SLC35F3: variants seen among roughly 807,000 people sequenced by gnomAD.
SLC35F3 encodes solute carrier family 35 member F3.
SLC35F3 carries 25 observed loss-of-function variants against 49.9 expected under a neutral mutation model. That is an observed-to-expected ratio of 0.50 (90% confidence interval 0.37 to 0.70). The LOEUF is 0.70. Among genes scored for constraint, SLC35F3 ranks in the 30% least tolerant of loss-of-function variants. The pLI, the probability that SLC35F3 is intolerant of heterozygous loss-of-function variation, is 0.00. For synonymous variants in SLC35F3, 275 were observed against 265.4 expected (o/e 1.04, Z -0.35); for missense variants, 525 against 639.8 (o/e 0.82, Z 1.94).
intron 2 of SLC35F3, among the ~76,000 whole-genome samples, chr1:234,217,264 C>G (rs967321453): frequency 2.0e-5 from 3 of 152,190 alleles, no homozygotes; most frequent in Admixed American, 6.5e-5. Context: ...TGGTTAAACT[C>G]AAACACAGGA....
At chr1:234,308,463 A>G (rs1237947433) in intron 3 of SLC35F3, among the ~76,000 whole-genome samples, 1 of 151,166 alleles carries the variant, frequency 6.6e-6, no homozygotes, top group Non-Finnish European at 1.5e-5. Flanking sequence ...TTTTTTTGCG[A>G]TTTCTTTTTG....
chr1:234,183,483 A>G (rs11810914), intron 2 of SLC35F3, among the ~76,000 whole-genome samples: 2,473 of 142,936 alleles, frequency 0.017, 138 homozygotes, highest in African/African-American at 0.057. Flanking sequence ...TTTAAAGCAA[A>G]TGAATTCTTA....
chr1:234,242,972 C>A (rs1273548828), intron 3 of SLC35F3, among the ~76,000 whole-genome samples: 6 of 152,124 alleles, frequency 3.9e-5, no homozygotes, highest in African/African-American at 1.4e-4. Flanking sequence ...GTTTCACCAA[C>A]AAAATGGAGA....
At chr1:234,262,596 G>A (rs538271545) in intron 3 of SLC35F3, among the ~76,000 whole-genome samples, 16 of 152,258 alleles carry the variant, frequency 1.1e-4, no homozygotes, top group South Asian at 2.1e-4. Flanking sequence ...CCGGAGGGCC[G>A]CTGGCATTTG....
chr1:233,994,062 A>C (rs1350423056), intron 2 of SLC35F3, among the ~76,000 whole-genome samples: 2 of 152,236 alleles, frequency 1.3e-5, no homozygotes, highest in Non-Finnish European at 2.9e-5. Flanking sequence ...TCTGAGAATT[A>C]GAGTCAAAGG....
intron 2 of SLC35F3, among the ~76,000 whole-genome samples, chr1:234,222,017 A>C (rs1419508073): frequency 1.3e-5 from 2 of 152,234 alleles, no homozygotes; most frequent in African/African-American, 4.8e-5. Context: ...TAGCATGTGC[A>C]TGTATGTGAG....
At chr1:234,023,041 G>A (rs532298969) in intron 2 of SLC35F3, among the ~76,000 whole-genome samples, 112 of 152,244 alleles carry the variant, frequency 7.4e-4, no homozygotes, top group Non-Finnish European at 1.5e-3. Context: ...AATCAAAGAA[G>A]TTTCCCCAGA....
intron 2 of SLC35F3, among the ~76,000 whole-genome samples, chr1:234,081,206 G>A (rs1031472055): frequency 1.3e-5 from 2 of 152,118 alleles, no homozygotes; most frequent in Admixed American, 6.5e-5. Flanking sequence ...TCTTCAAGTG[G>A]CATACAGGCC....
At chr1:234,132,674 G>C (rs12121010) in intron 2 of SLC35F3, among the ~76,000 whole-genome samples, 59,002 of 151,966 alleles carry the variant, frequency 0.39, 13,370 homozygotes, top group Middle Eastern at 0.52. Flanking sequence ...ATCATTTGCT[G>C]ATTTTTATTG....
Position 234,308,888 on chromosome 1 carries a change from T to C in SLC35F3, c.609-213T>C, listed in dbSNP as rs115633113. On this transcript the variant is annotated intron_variant, in intron 3 of 7. Transcript: ENST00000366618. ...AGCTTAACATGAACAGAAGGAAGAA[T>C]CTGTGACATTAGATCACTGTGCAAC... Among the ~76,000 whole-genome samples the C allele has an allele frequency of 8.5e-3, 1,287 of 152,218 alleles. 16 individuals carry two copies. The highest frequency in any genetic ancestry group is 0.029 in the African/African-American group (1,218 of 41,502).
chr1:234,242,772 C>A (rs1038433140), intron 3 of SLC35F3, among the ~76,000 whole-genome samples: 4 of 152,176 alleles, frequency 2.6e-5, no homozygotes, highest in Admixed American at 2.0e-4. Context: ...TATTTTATGA[C>A]ACTTACATTT....
At chr1:234,311,397 G>A (rs1329945159) in intron 4 of SLC35F3, among the ~76,000 whole-genome samples, 6 of 152,226 alleles carry the variant, frequency 3.9e-5, no homozygotes. Flanking sequence ...TGTCCATTAG[G>A]TAATTTCCAA....
At chr1:234,209,550 CAATT>C (rs1242314653) in intron 2 of SLC35F3, among the ~76,000 whole-genome samples, 2 of 151,972 alleles carry the variant, frequency 1.3e-5, no homozygotes, top group Non-Finnish European at 2.9e-5. Context: ...TTCATATGGT[CAATT>C]AGACAGAAAA....
chr1:234,002,447 A>G (rs1366349035), intron 2 of SLC35F3, among the ~76,000 whole-genome samples: 1 of 152,120 alleles, frequency 6.6e-6, no homozygotes, highest in Non-Finnish European at 1.5e-5. Context: ...AAGTTTTGAG[A>G]AATATTGGTT....
At chr1:233,969,814 G>T (rs938139534) in intron 2 of SLC35F3, among the ~76,000 whole-genome samples, 11 of 152,212 alleles carry the variant, frequency 7.2e-5, no homozygotes, top group Non-Finnish European at 1.5e-4. Context: ...CCTGTGAGAT[G>T]CAGGCCCCTC....
At chr1:233,922,486 C>CTTTTTTTTTTT (rs35271789) in intron 2 of SLC35F3, among the ~76,000 whole-genome samples, 1 of 112,340 alleles carries the variant, frequency 8.9e-6, no homozygotes, top group Non-Finnish European at 1.8e-5. Context: ...TTTTGATGGC[C>CTTTTTTTTTTT]TTTTTTTTTT....
At chr1:233,920,658 C>G (rs1053039941) in intron 2 of SLC35F3, among the ~76,000 whole-genome samples, 1 of 152,222 alleles carries the variant, frequency 6.6e-6, no homozygotes, top group Admixed American at 6.5e-5. Flanking sequence ...GAATATGGCA[C>G]ATACTGGGAT....
At chr1:233,913,680 C>T (rs1021435093) in intron 2 of SLC35F3, among the ~76,000 whole-genome samples, 1 of 152,230 alleles carries the variant, frequency 6.6e-6, no homozygotes, top group East Asian at 1.9e-4. Flanking sequence ...AAGTAAGCAT[C>T]TACATTTCTG....
intron 2 of SLC35F3, among the ~76,000 whole-genome samples, chr1:234,219,707 T>C (rs189692224): frequency 6.6e-6 from 1 of 152,202 alleles, no homozygotes; most frequent in African/African-American, 2.4e-5. Context: ...TTCGCCAAAA[T>C]GACCTGATCT....
Sources: gnomAD v4.1 joint callset for allele counts (sites outside exome capture counted in the v4.1 genomes callset) on GRCh38, gnomAD v4.1.1 for gene constraint, MANE v1.5 for transcripts, NCBI Gene and HGNC (gene_info 2026-07-23, HGNC 2026-07-21) for gene names.